The following HSPA5 variants were observed in gnomAD, a reference collection of about 807,000 sequenced individuals.
HSPA5 encodes the protein heat shock protein family A (Hsp70) member 5, also known as endoplasmic reticulum chaperone BiP.
HSPA5 carries 16 observed loss-of-function variants against 49.5 expected under a neutral mutation model. That is an observed-to-expected ratio of 0.32 (90% CI 0.22 to 0.49). HSPA5 has a LOEUF of 0.49. Among genes scored for constraint, HSPA5 ranks in the 20% least tolerant of loss-of-function variants. HSPA5 has a pLI of 0.99. For missense variants in HSPA5, 376 were observed against 819.0 expected, an observed-to-expected ratio of 0.46 and a Z score of 6.60; for synonymous variants, 271 against 307.2, an observed-to-expected ratio of 0.88 and a Z score of 1.23.
At position 125,236,299 on chromosome 9, in the gene HSPA5, C is replaced by T. The variant is rs1588429252; in HGVS notation, c.*293G>A. On this transcript the variant is annotated 3_prime_UTR_variant, in exon 8 of 8. Transcript: ENST00000324460. ...TTATGGTAGAAAAAACTTCCTACAC[C>T]AGATGCACATGACCCAGTTGTTAAA... 9.1e-6 allele frequency: 3 copies of T among 328,530 alleles called. No homozygotes were observed. The highest frequency in any genetic ancestry group is 1.6e-5 in the Non-Finnish European group (3 of 182,070). The allele number at this position is 328,530 out of a possible 1,614,324, so 20.4% of individuals were successfully genotyped here.
In HSPA5 at chr9:125,238,577, G is replaced by T; in HGVS notation, c.1234+13C>A. ...ACTGAATCACTAAGAAAGATGCTGC[G>T]ATGATGACCTACCTGTATCTTGATC... is the stretch of plus-strand genomic sequence containing the variant. On this transcript the variant is annotated intron_variant, in intron 6 of 7. Coordinates refer to ENST00000324460, the MANE Select transcript of HSPA5 (RefSeq NM_005347.5). The T allele has an allele frequency of 5.0e-6, 8 of 1,586,024 alleles. No individual in the cohort carries two copies. Among genetic ancestry groups the T allele is most frequent in the Non-Finnish European group, 6.9e-6 (8 of 1,155,308 alleles).
At position 125,240,633 on chromosome 9, in the gene HSPA5, C is replaced by T; in HGVS notation, c.354+43G>A. ...GACTTATAACTCTAAATACTCCCAC[C>T]ACCCACCCGTTCTCTAACTGGATGA... is the stretch of plus-strand genomic sequence containing the variant. On this transcript the variant is annotated intron_variant, in intron 2 of 7. Transcript: ENST00000324460. This position sits in a 1 kb window ranked among gnomAD's most constrained non-coding sequence, Gnocchi z 4.4. 1 of 1,513,760 alleles carries T rather than the reference C, an allele frequency of 6.6e-7. No homozygotes were observed. Among genetic ancestry groups the T allele is most frequent in the Non-Finnish European group, 9.2e-7 (1 of 1,090,766 alleles). The allele number at this position is 1,513,760 out of a possible 1,614,324, so 93.8% of individuals were successfully genotyped here.
chr9:125,240,095 G>T lies in HSPA5; in HGVS notation c.492+77C>A. 7.7e-6 allele frequency: 9 copies of T among 1,166,332 alleles called. No individual in the cohort carries two copies. In the South Asian group the frequency reaches 8.8e-5, roughly 11 times the overall value. 72.2% of individuals were successfully genotyped at this position (1,166,332 alleles called of 1,614,324 possible). A position where few individuals can be genotyped will look rare whatever the true frequency, so the allele number is the denominator to read the frequency against. ...GATTAAAATTTTTGAAACCCTTCAC[G>T]AAGGCTTCTATACATAACAGCCAAC... On this transcript the variant is annotated intron_variant, in intron 3 of 7. Coordinates refer to ENST00000324460, the MANE Select transcript of HSPA5 (RefSeq NM_005347.5). The surrounding 1 kb of genome is among the most constrained non-coding windows in gnomAD (Gnocchi z 4.4).
At position 125,241,135 on chromosome 9, in the gene HSPA5, C is replaced by T. The variant is rs777293820; in HGVS notation, c.-9G>A. The stretch of plus-strand genomic sequence containing the variant: ...ACCAGGGAGAGCTTCATCTTGCCAG[C>T]CAGTTGGGCAGCAGCAGGCAGTCCA... On this transcript the variant is annotated 5_prime_UTR_variant, in exon 1 of 8. Coordinates refer to ENST00000324460, the MANE Select transcript of HSPA5 (RefSeq NM_005347.5). 1 of 1,609,092 alleles carries T rather than the reference C, an allele frequency of 6.2e-7. No homozygotes were observed. Among genetic ancestry groups the T allele is most frequent in the Admixed American group, 1.7e-5 (1 of 59,394 alleles).
chr9:125,235,418 T>C lies in HSPA5; in HGVS notation c.*1174A>G, dbSNP rs1480948044. ...AGTTTCACCATGTTGGCAAAGATGG[T>C]CTCTATCTCTTGACCTTGTGATCCA... On this transcript the variant is annotated 3_prime_UTR_variant, in exon 8 of 8. Transcript: ENST00000324460. 1.3e-5 allele frequency: 2 copies of C among 152,052 alleles called. No individual in the cohort carries two copies. Among genetic ancestry groups the C allele is most frequent in the African/African-American group, 4.8e-5 (2 of 41,362 alleles). The allele number at this position is 152,052 out of a possible 1,614,324, so 9.4% of individuals were successfully genotyped here.
In HSPA5 at chr9:125,240,410, G is replaced by A; in HGVS notation, c.355-101C>T. 1 of 1,063,536 alleles carries A rather than the reference G, an allele frequency of 9.4e-7. No individual in the cohort carries two copies. The highest frequency in any genetic ancestry group is 1.4e-6 in the Non-Finnish European group (1 of 728,394). The allele number at this position is 1,063,536 out of a possible 1,614,324, so 65.9% of individuals were successfully genotyped here. A position where few individuals can be genotyped will look rare whatever the true frequency, so the allele number is the denominator to read the frequency against. On this transcript the variant is annotated intron_variant, in intron 2 of 7. Transcript: ENST00000324460. This position sits in a 1 kb window ranked among gnomAD's most constrained non-coding sequence, Gnocchi z 4.4. ...ACAATTTGGTTTATTTTGGTCCCTTGGGGCTGCAAATTGACTAGAAATACT... is the reference window on the plus strand; with the variant it reads ...ACAATTTGGTTTATTTTGGTCCCTTAGGGCTGCAAATTGACTAGAAATACT...
rs1832543769 is a variant in HSPA5, at chr9:125,239,965, A to G, written c.492+207T>C. Among the ~76,000 whole-genome samples the G allele has an allele frequency of 6.6e-6, 1 of 152,150 alleles. No homozygotes were observed. The highest frequency in any genetic ancestry group is 1.5e-5 in the Non-Finnish European group (1 of 68,024). ...TGATGAATACAACATATAAAATTTT[A>G]TGTCCCTGGAATTGTAAGCATTAAA... On this transcript the variant is annotated intron_variant, in intron 3 of 7. Transcript: ENST00000324460. This position sits in a 1 kb window ranked among gnomAD's most constrained non-coding sequence, Gnocchi z 5.5.
chr9:125,236,077 A>G lies in HSPA5; in HGVS notation c.*515T>C, dbSNP rs910920259. On this transcript the variant is annotated 3_prime_UTR_variant, in exon 8 of 8. Transcript: ENST00000324460. ...GGTGGAAGGATCACTTGGGCCCAGG[A>G]GGGTTAAAAAAAAAAAAAAAAATCC... 1.2e-5 allele frequency: 1 copy of G among 83,716 alleles called. No individual in the cohort carries two copies. Among genetic ancestry groups the G allele is most frequent in the Non-Finnish European group, 2.1e-5 (1 of 47,038 alleles). 5.2% of individuals were successfully genotyped at this position (83,716 alleles called of 1,614,324 possible).
Position 125,236,407 on chromosome 9 carries a change from C to G in HSPA5, c.*185G>C, listed in dbSNP as rs539758783. On this transcript the variant is annotated 3_prime_UTR_variant, in exon 8 of 8. Coordinates refer to ENST00000324460, the MANE Select transcript of HSPA5 (RefSeq NM_005347.5). ...GATGGCCAATTCTTCTTCTCCCCCC[C>G]ACCCAAAGACATGTGAGCAACTGCT... 9.2e-4 allele frequency: 453 copies of G among 491,476 alleles called. 3 individuals carry two copies. The highest frequency in any genetic ancestry group is 2.6e-3 in the Middle Eastern group (5 of 1,898). The allele number at this position is 491,476 out of a possible 1,614,324, so 30.4% of individuals were successfully genotyped here.
At chr9:125,237,238 T>TA in intron 7 of HSPA5, 84 bp from the exon 8 acceptor site, 1 of 1,006,484 alleles carries the variant, frequency 9.9e-7, no homozygotes, top group Admixed American at 2.8e-5. Context: ...GTCTGAAGCA[T>TA]AAAGTGACAC....
In HSPA5 at chr9:125,238,025, C is replaced by G. The variant is rs1832519325; in HGVS notation, c.1402+116G>C. 2.0e-5 allele frequency: 15 copies of G among 764,662 alleles called. No homozygotes were observed. In the Admixed American group the frequency reaches 3.0e-4, roughly 15 times the overall value. The allele number at this position is 764,662 out of a possible 1,614,324, so 47.4% of individuals were successfully genotyped here. A position where few individuals can be genotyped will look rare whatever the true frequency, so the allele number is the denominator to read the frequency against. On this transcript the variant is annotated intron_variant, in intron 7 of 7. Coordinates refer to ENST00000324460, the MANE Select transcript of HSPA5 (RefSeq NM_005347.5). ...GCTGAGGCAGGAGAATCACTTGAAC[C>G]CGGGAGACAGAATTTGCAGTGAGCC...
At position 125,241,061 on chromosome 9, in the gene HSPA5, GTCC is replaced by G. The variant is rs1832558816; in HGVS notation, c.63_65del (p.Glu21del). ...CCACCGTGCCCACGTCCTCCTTCTT[GTCC>G]TCCTCCTCGGCCCGCGCCGCGCTGA... On this transcript the variant is annotated inframe_deletion, in exon 1 of 8. Transcript: ENST00000324460. The G allele has an allele frequency of 5.0e-6, 8 of 1,613,836 alleles. No individual in the cohort carries two copies. Among genetic ancestry groups the G allele is most frequent in the African/African-American group, 1.3e-5 (1 of 74,936 alleles).
Position 125,238,685 on chromosome 9 carries a change from T to C in HSPA5, c.1139A>G (p.Asn380Ser), listed in dbSNP as rs761919160. The C allele has an allele frequency of 1.1e-5, 18 of 1,614,184 alleles. No individual in the cohort carries two copies. Among genetic ancestry groups the C allele is most frequent in the South Asian group, 9.9e-5 (9 of 91,084 alleles). The part of the protein sequence containing the change: ...KIQQLVKEFF[N>S]GKEPSRGINP... ...TATGCCACGGGATGGTTCCTTGCCA[T>C]TGAAGAACTCTTTAACCAGTTGCTG... The change falls in exon 6 of 8, where the codon AAT becomes AGT. Residue 380 changes from asparagine (N) to serine (S), a missense_variant. Physicochemically the swap from Asn to Ser is conservative, Grantham distance 46. This residue lies in a region of HSPA5 where 89 missense variants were observed against 155.9 expected (regional missense o/e 0.57). Transcript: ENST00000324460.
Position 125,240,996 on chromosome 9 carries a change from C to T in HSPA5, c.122+9G>A. 1 of 1,612,486 alleles carries T rather than the reference C, an allele frequency of 6.2e-7. No homozygotes were observed. Among genetic ancestry groups the T allele is most frequent in the Non-Finnish European group, 8.5e-7 (1 of 1,179,084 alleles). ...CGCCCCGTCCCCCTGCATCCGCAAC[C>T]CCACTTACCAGGAGTAGGTGGTCCC... On this transcript the variant is annotated intron_variant, in intron 1 of 7. Coordinates refer to ENST00000324460, the MANE Select transcript of HSPA5 (RefSeq NM_005347.5). This position sits in a 1 kb window ranked among gnomAD's most constrained non-coding sequence, Gnocchi z 4.4.
intron 6 of HSPA5, 108 bp from the exon 7 acceptor site, chr9:125,238,416 G>A: frequency 1.8e-6 from 2 of 1,084,334 alleles, no homozygotes; most frequent in South Asian, 1.4e-5. Flanking sequence ...TTTAAAGGCA[G>A]TGAATTAAAC....
At chr9:125,237,235 G>T in intron 7 of HSPA5, 81 bp from the exon 8 acceptor site, 3 of 1,034,164 alleles carry the variant, frequency 2.9e-6, no homozygotes, top group South Asian at 1.6e-5. Context: ...TCAGTCTGAA[G>T]CATAAAGTGA....
At chr9:125,237,202 TA>T in intron 7 of HSPA5, 48 bp from the exon 8 acceptor site, 3 of 1,324,290 alleles carry the variant, frequency 2.3e-6, no homozygotes, top group Non-Finnish European at 3.2e-6. Context: ...TGACAAGCAT[TA>T]GCACATCTAG....
Position 125,235,351 on chromosome 9 carries a change from A to G in HSPA5, c.*1241T>C, listed in dbSNP as rs1226659037. On this transcript the variant is annotated 3_prime_UTR_variant, in exon 8 of 8. Coordinates refer to ENST00000324460, the MANE Select transcript of HSPA5 (RefSeq NM_005347.5). ...TCTCCTGCCTCAGCCTTCAGCTTGCACTACCACGCCCAGCTAATTTTTGTA... is the reference window on the plus strand; with the variant it reads ...TCTCCTGCCTCAGCCTTCAGCTTGCGCTACCACGCCCAGCTAATTTTTGTA... The G allele has an allele frequency of 1.3e-5, 2 of 151,396 alleles. No individual in the cohort carries two copies. The highest frequency in any genetic ancestry group is 4.9e-5 in the African/African-American group (2 of 41,144). The allele number at this position is 151,396 out of a possible 1,614,324, so 9.4% of individuals were successfully genotyped here. A position where few individuals can be genotyped will look rare whatever the true frequency, so the allele number is the denominator to read the frequency against.
Position 125,238,321 on chromosome 9 carries a change from G to C in HSPA5, c.1235-13C>G. Reference sequence around the variant, plus strand: ...AGTACCAGGTCACCTGTAAGGATAAGTTATTTAACTTTTAATTCAAGTTCT... The same window carrying C: ...AGTACCAGGTCACCTGTAAGGATAACTTATTTAACTTTTAATTCAAGTTCT... On this transcript the variant is annotated splice_polypyrimidine_tract_variant and intron_variant, in intron 6 of 7. Coordinates refer to ENST00000324460, the MANE Select transcript of HSPA5 (RefSeq NM_005347.5). The C allele has an allele frequency of 1.2e-6, 2 of 1,608,460 alleles. No individual in the cohort carries two copies. Among genetic ancestry groups the C allele is most frequent in the Non-Finnish European group, 1.7e-6 (2 of 1,176,348 alleles).
Sources: gnomAD v4.1 joint callset for allele counts (sites outside exome capture counted in the v4.1 genomes callset) on GRCh38, gnomAD v4.1.1 for gene constraint, gnomAD v4.1.1 regional missense constraint, Gnocchi (gnomAD v3.1) non-coding constraint, MANE v1.5 for transcripts, NCBI Gene and HGNC (gene_info 2026-07-23, HGNC 2026-07-21) for gene names.